The following DTX4 variants were observed in gnomAD, a reference collection of about 807,000 sequenced individuals.
The protein encoded by DTX4 is E3 ubiquitin-protein ligase DTX4.
In DTX4, 28 loss-of-function variants were observed where a neutral mutation model predicts 57.6. That is an observed-to-expected ratio of 0.49 (90% CI 0.36 to 0.67). The LOEUF is 0.67. Among genes scored for constraint, DTX4 ranks in the 30% least tolerant of loss-of-function variants. DTX4 has a pLI of 0.00. For synonymous variants in DTX4, 316 were observed against 331.0 expected (o/e 0.95, Z 0.49); for missense variants, 715 against 836.8 (o/e 0.85, Z 1.80).
chr11:59,174,945 G>A (rs1386086929), intron 1 of DTX4, among the ~76,000 whole-genome samples: 1 of 152,170 alleles, frequency 6.6e-6, no homozygotes, highest in East Asian at 1.9e-4. Context: ...TCTGCTGTGC[G>A]CCAGGCCCTG....
rs1407721212 is a variant in DTX4, at chr11:59,182,326, A to T, written c.799A>T (p.Thr267Ser). The change falls in exon 2 of 9, where the codon ACT becomes TCT. Residue 267 changes from threonine (T) to serine (S), a missense_variant. Coordinates refer to ENST00000227451, the MANE Select transcript of DTX4 (RefSeq NM_015177.2). ...VIRRQASSMP[T>S]GTTMGSPASP... ...CCGGAGACAAGCCTCCAGCATGCCC[A>T]CTGGGACAACCATGGGCTCTCCTGC... is the stretch of plus-strand genomic sequence containing the variant. 4 of 1,612,890 alleles carry T rather than the reference A, an allele frequency of 2.5e-6. No individual in the cohort carries two copies. The highest frequency in any genetic ancestry group is 1.7e-5 in the Admixed American group (1 of 60,010).
chr11:59,185,881 C>A (rs1862521426), intron 2 of DTX4, among the ~76,000 whole-genome samples: 1 of 152,200 alleles, frequency 6.6e-6, no homozygotes. Flanking sequence ...CTCACAGGGA[C>A]CCCATGGGGC....
At chr11:59,171,679 G>C (rs1200757662), upstream of DTX4, among the ~76,000 whole-genome samples, 6 of 152,168 alleles carry the variant, frequency 3.9e-5, no homozygotes, top group East Asian at 1.9e-4. Flanking sequence ...CTAAGGATGC[G>C]GGAGAGGATG....
chr11:59,193,497 A>G (rs1862625373), intron 6 of DTX4, among the ~76,000 whole-genome samples: 1 of 152,112 alleles, frequency 6.6e-6, no homozygotes, highest in African/African-American at 2.4e-5. Flanking sequence ...GGCTAAAAGG[A>G]TTCATTGGGA....
chr11:59,201,891 C>T (rs887983363), intron 8 of DTX4, among the ~76,000 whole-genome samples: 1 of 152,166 alleles, frequency 6.6e-6, no homozygotes. Flanking sequence ...ATTCAGAGTC[C>T]CTGGTACCCA....
intron 1 of DTX4, among the ~76,000 whole-genome samples, chr11:59,174,720 G>A (rs766325567): frequency 2.2e-4 from 34 of 152,174 alleles, no homozygotes; most frequent in Non-Finnish European, 1.2e-4. Flanking sequence ...TGGGTGGAAG[G>A]AAAGAAGCTA....
At position 59,207,186 on chromosome 11, in the gene DTX4, AAAG is replaced by A. The variant is rs1862823012; in HGVS notation, c.*2282_*2284del. 2 of 152,384 alleles carry A rather than the reference AAAG, an allele frequency of 1.3e-5. No individual in the cohort carries two copies. Among genetic ancestry groups the A allele is most frequent in the South Asian group, 4.1e-4 (2 of 4,828 alleles). The allele number at this position is 152,384 out of a possible 1,614,324, so 9.4% of individuals were successfully genotyped here. A position where few individuals can be genotyped will look rare whatever the true frequency, so the allele number is the denominator to read the frequency against. On this transcript the variant is annotated 3_prime_UTR_variant, in exon 9 of 9. Coordinates refer to ENST00000227451, the MANE Select transcript of DTX4 (RefSeq NM_015177.2). ...ATGAGGCAGTAGGAGGTGGGGAAGA[AAAG>A]AAGACAGACTTTCAAAATGGAATTA...
chr11:59,186,474 G>C (rs752898099), intron 2 of DTX4, among the ~76,000 whole-genome samples: 3 of 152,224 alleles, frequency 2.0e-5, no homozygotes, highest in Non-Finnish European at 2.9e-5. Context: ...CTGGGGAGCT[G>C]GGAGCAGGAC....
chr11:59,172,713 G>A lies in DTX4; in HGVS notation c.118G>A (p.Ala40Thr), dbSNP rs773179631. ...IEAVVRAGPRAGGSVVLGQVD... is the reference protein window; with the variant it reads ...IEAVVRAGPRTGGSVVLGQVD... ...GGCGGTGGTCCGCGCCGGCCCCCGC[G>A]CGGGGGGCAGCGTGGTGCTGGGCCA... Residue 40 changes from alanine (A) to threonine (T), a missense_variant, in exon 1 of 9, where the codon GCG (alanine) becomes ACG (threonine). Coordinates refer to ENST00000227451, the MANE Select transcript of DTX4 (RefSeq NM_015177.2). 1 of 1,602,278 alleles carries A rather than the reference G, an allele frequency of 6.2e-7. No individual in the cohort carries two copies. Among genetic ancestry groups the A allele is most frequent in the South Asian group, 1.1e-5 (1 of 89,706 alleles).
chr11:59,181,625 A>G, intron 1 of DTX4, 114 bp from the exon 2 acceptor site: 1 of 1,424,000 alleles, frequency 7.0e-7, no homozygotes, highest in Non-Finnish European at 9.5e-7. Flanking sequence ...TGCCCAGTAC[A>G]CAGTAGGACT....
In DTX4 at chr11:59,195,247, G is replaced by A; in HGVS notation, c.1414G>A (p.Gly472Arg). 6.2e-7 allele frequency: 1 copy of A among 1,613,938 alleles called. No individual in the cohort carries two copies. The highest frequency in any genetic ancestry group is 8.5e-7 in the Non-Finnish European group (1 of 1,179,872). ...LQCPTCKTIY[G>R]VKTGTQPPGK... ...GTGTCCAACCTGCAAGACCATTTAT[G>A]GGGTGAAGACAGGCACCCAACCTCC... Residue 472 changes from glycine to arginine, a missense_variant, in exon 7 of 9, where the codon GGG becomes AGG. Transcript: ENST00000227451.
At chr11:59,173,387 A>T (rs981006988) in intron 1 of DTX4, among the ~76,000 whole-genome samples, 9 of 152,252 alleles carry the variant, frequency 5.9e-5, no homozygotes, top group Admixed American at 6.5e-5. Context: ...CGGGTAAGGG[A>T]AGCGCCGGGC....
intron 2 of DTX4, chr11:59,185,165 C>T (rs1296856306): frequency 6.6e-6 from 1 of 152,158 alleles, no homozygotes; most frequent in African/African-American, 2.4e-5. Context: ...GCAGTGGAGG[C>T]AAGCGTCACC....
At chr11:59,178,156 A>G (rs1176826713) in intron 1 of DTX4, among the ~76,000 whole-genome samples, 3 of 152,266 alleles carry the variant, frequency 2.0e-5, no homozygotes, top group African/African-American at 7.2e-5. Context: ...TTGGGGAGGA[A>G]CCAGCATTGT....
intron 2 of DTX4, among the ~76,000 whole-genome samples, chr11:59,187,480 T>C (rs2135518484): frequency 6.6e-6 from 1 of 152,370 alleles, no homozygotes; most frequent in South Asian, 2.1e-4. Flanking sequence ...ATGTGTTCAC[T>C]GCTGACCCCC....
intron 8 of DTX4, among the ~76,000 whole-genome samples, chr11:59,204,293 C>G (rs10501376): frequency 0.092 from 14,030 of 152,222 alleles, 946 homozygotes; most frequent in East Asian, 0.29. Flanking sequence ...TCCTGTCTTT[C>G]AAAATGCAGC....
intron 1 of DTX4, among the ~76,000 whole-genome samples, chr11:59,180,423 G>T (rs528475613): frequency 6.6e-6 from 1 of 152,286 alleles, no homozygotes; most frequent in East Asian, 1.9e-4. Context: ...GGGGTGGGGG[G>T]CAGGTTATGA....
Position 59,188,924 on chromosome 11 carries a change from T to C in DTX4, c.997+128T>C, listed in dbSNP as rs2135519418. The stretch of plus-strand genomic sequence containing the variant: ...TGAAAGCAAATGGTGATTTTAGGAA[T>C]TGCATGGGAAGGGTATGAAGAGTTT... On this transcript the variant is annotated intron_variant, in intron 3 of 8. Transcript: ENST00000227451. 2.9e-6 allele frequency: 3 copies of C among 1,024,024 alleles called. No homozygotes were observed. The East Asian group carries it at 7.8e-5, about 27-fold the overall frequency. 63.4% of individuals were successfully genotyped at this position (1,024,024 alleles called of 1,614,324 possible). A position where few individuals can be genotyped will look rare whatever the true frequency, so the allele number is the denominator to read the frequency against.
At position 59,206,509 on chromosome 11, in the gene DTX4, G is replaced by GTATA. The variant is rs3837398; in HGVS notation, c.*1618_*1621dup. The GTATA allele has an allele frequency of 0.28, 40,125 of 141,910 alleles. 5,689 individuals carry two copies. Among genetic ancestry groups the GTATA allele is most frequent in the Non-Finnish European group, 0.29 (19,116 of 65,784 alleles). 8.8% of individuals were successfully genotyped at this position (141,910 alleles called of 1,614,324 possible). On this transcript the variant is annotated 3_prime_UTR_variant, in exon 9 of 9. Coordinates refer to ENST00000227451, the MANE Select transcript of DTX4 (RefSeq NM_015177.2). ...ATACCTCATGTTTTGGGGGTTTGAC[G>GTATA]TATATATATATATATATATATGCAT...
Sources: gnomAD v4.1 joint callset for allele counts (sites outside exome capture counted in the v4.1 genomes callset) on GRCh38, gnomAD v4.1.1 for gene constraint, MANE v1.5 for transcripts, NCBI Gene and HGNC (gene_info 2026-07-23, HGNC 2026-07-21) for gene names.